Variants in EOGT observed in about 807,000 individuals in gnomAD.
The protein encoded by EOGT is EGF domain-specific O-linked N-acetylglucosamine transferase.
A neutral mutation model predicts 70.5 loss-of-function variants in EOGT; 55 were observed. The ratio of observed to expected loss-of-function variants is 0.78; its 90% CI spans 0.63 to 0.98. EOGT has a LOEUF of 0.98. Among genes scored for constraint, EOGT ranks in the 50% least tolerant of loss-of-function variants. EOGT has a pLI of 0.00. For synonymous variants in EOGT, 246 were observed against 217.1 expected (o/e 1.13, Z -1.17); for missense variants, 703 against 641.9 (o/e 1.10, Z -1.03).
intron 5 of EOGT, 39 bp from the exon 6 acceptor site, chr3:69,007,860 T>C: frequency 1.4e-6 from 2 of 1,467,144 alleles, no homozygotes; most frequent in South Asian, 1.2e-5. Context: ...TTTTTCTTTT[T>C]ACTTTTTTGG....
At chr3:69,004,923 C>G (rs1161011192) in intron 7 of EOGT, among the ~76,000 whole-genome samples, 4 of 151,874 alleles carry the variant, frequency 2.6e-5, no homozygotes, top group Non-Finnish European at 5.9e-5. Flanking sequence ...ATTAGCCAAG[C>G]CTGGCGGTGC....
intron 8 of EOGT, among the ~76,000 whole-genome samples, chr3:69,003,694 T>C (rs2091359745): frequency 6.6e-6 from 1 of 152,154 alleles, no homozygotes; most frequent in South Asian, 2.1e-4. Flanking sequence ...TGGCCAATGA[T>C]GTTAACAGTC....
chr3:69,009,737 T>C lies in EOGT; in HGVS notation c.110A>G (p.Tyr37Cys). 6.2e-7 allele frequency: 1 copy of C among 1,614,142 alleles called. No individual in the cohort carries two copies. Among genetic ancestry groups the C allele is most frequent in the Non-Finnish European group, 8.5e-7 (1 of 1,180,030 alleles). The change falls in exon 4 of 18, where the codon TAT becomes TGT. Residue 37 changes from tyrosine to cysteine, a missense_variant. Transcript: ENST00000383701. Reference sequence around the variant, plus strand: ...CTCCTCTGGCAAGCGGATGCTGGCATAGTTATACAGAGGTTCGCCTGGAAT... The same window carrying C: ...CTCCTCTGGCAAGCGGATGCTGGCACAGTTATACAGAGGTTCGCCTGGAAT... Reference protein sequence around the residue: ...HSIPGEPLYNYASIRLPEEHI... With the variant: ...HSIPGEPLYNCASIRLPEEHI...
At chr3:68,994,007 G>A (rs2091073196) in intron 10 of EOGT, among the ~76,000 whole-genome samples, 1 of 152,030 alleles carries the variant, frequency 6.6e-6, no homozygotes, top group Admixed American at 6.6e-5. Context: ...AAATTTGGTG[G>A]GGACACAGCC....
chr3:69,010,884 G>A (rs2091558519), intron 3 of EOGT, among the ~76,000 whole-genome samples: 1 of 152,152 alleles, frequency 6.6e-6, no homozygotes, highest in African/African-American at 2.4e-5. Context: ...TCTGTACTCA[G>A]GATACAGCAA....
At chr3:68,990,312 G>T (rs1396186939) in intron 10 of EOGT, among the ~76,000 whole-genome samples, 3 of 149,912 alleles carry the variant, frequency 2.0e-5, no homozygotes, top group Non-Finnish European at 4.4e-5. Flanking sequence ...CTGCCTTTCA[G>T]CAGGAATTAG....
rs531699011 is a variant in EOGT at position 68,989,192 on chromosome 3, T to G, written c.832-175A>C. Among the ~76,000 whole-genome samples the G allele has an allele frequency of 8.5e-5, 13 of 152,350 alleles. No homozygotes were observed. In the South Asian group the frequency reaches 2.5e-3, roughly 29 times the overall value. On this transcript the variant is annotated intron_variant, in intron 10 of 17. Transcript: ENST00000383701. ...ATCTTGGGCCAGAGCAAATGCCTAATTTGATGAAATATCATCAGAAATAAT... is the reference window on the plus strand; with the variant it reads ...ATCTTGGGCCAGAGCAAATGCCTAAGTTGATGAAATATCATCAGAAATAAT...
chr3:69,009,984 C>CT, intron 3 of EOGT, 124 bp from the exon 4 acceptor site: 1 of 702,100 alleles, frequency 1.4e-6, no homozygotes, highest in Non-Finnish European at 2.3e-6. Flanking sequence ...TTACAAAGCA[C>CT]TTTGCTATCC....
chr3:68,984,769 C>T (rs1170635816), intron 14 of EOGT, among the ~76,000 whole-genome samples: 2 of 149,968 alleles, frequency 1.3e-5, no homozygotes, highest in African/African-American at 2.5e-5. Context: ...TGCACTAAAG[C>T]ATCTACCAGC....
Position 68,988,413 on chromosome 3 carries a change from G to A in EOGT, c.997-32C>T, listed in dbSNP as rs1014518232. ...TAAAAACACTGGTTCATATTACAAT[G>A]AATACTTCTGTATTATAATTTAAGA... On this transcript the variant is annotated intron_variant, in intron 12 of 17. Coordinates refer to ENST00000383701, the MANE Select transcript of EOGT (RefSeq NM_001278689.2). 8 of 1,497,306 alleles carry A rather than the reference G, an allele frequency of 5.3e-6. No individual in the cohort carries two copies. In the African/African-American group the frequency reaches 1.1e-4, roughly 21 times the overall value. The allele number at this position is 1,497,306 out of a possible 1,614,324, so 92.8% of individuals were successfully genotyped here.
intron 10 of EOGT, among the ~76,000 whole-genome samples, chr3:68,990,583 A>G (rs1024339631): frequency 6.6e-6 from 1 of 152,102 alleles, no homozygotes; most frequent in Non-Finnish European, 1.5e-5. Context: ...CAAACTCCTG[A>G]GCTCAAGTGC....
At chr3:69,007,069 T>G (rs1401493735) in intron 6 of EOGT, among the ~76,000 whole-genome samples, 1 of 152,230 alleles carries the variant, frequency 6.6e-6, no homozygotes, top group Non-Finnish European at 1.5e-5. Context: ...TATCTGAGAA[T>G]GAATTTGTAA....
chr3:68,996,091 G>T (rs2091139918), intron 10 of EOGT, among the ~76,000 whole-genome samples: 1 of 152,170 alleles, frequency 6.6e-6, no homozygotes, highest in African/African-American at 2.4e-5. Context: ...AAGAAGAAAA[G>T]AAAGGGATTG....
rs550611980 is a variant in EOGT at position 68,992,687 on chromosome 3, G to T, written c.832-3670C>A. ...ACCCCACTAAGGACTCTGTTTGGGG[G>T]CTCCAACCCCACATTTCCCTTCCAC... On this transcript the variant is annotated intron_variant, in intron 10 of 17. Transcript: ENST00000383701. Among the ~76,000 whole-genome samples the T allele has an allele frequency of 3.3e-5, 5 of 152,314 alleles. No individual in the cohort carries two copies. In the South Asian group the frequency reaches 1.0e-3, roughly 32 times the overall value.
At chr3:68,985,361 G>A (rs140124166) in intron 14 of EOGT, among the ~76,000 whole-genome samples, 8 of 152,264 alleles carry the variant, frequency 5.3e-5, no homozygotes, top group African/African-American at 1.9e-4. Flanking sequence ...ATGGGTCTCA[G>A]GAAGAGATGT....
Position 68,977,753 on chromosome 3 carries a change from T to C in EOGT, c.1449A>G (p.Pro483=). Reference sequence around the variant, plus strand: ...TGAACTTCGGGTGCTCCCCCAGGGTTGGATGGTGGCCCTGTGAAAATAAAC... The same window carrying C: ...TGAACTTCGGGTGCTCCCCCAGGGTCGGATGGTGGCCCTGTGAAAATAAAC... ...KVFPQDKGHH[P]TLGEHPKFTN... Residue 483 remains proline, a synonymous_variant, in exon 18 of 18, where the codon CCA becomes CCG. Transcript: ENST00000383701. The C allele has an allele frequency of 6.2e-7, 1 of 1,612,304 alleles. No homozygotes were observed. Among genetic ancestry groups the C allele is most frequent in the Non-Finnish European group, 8.5e-7 (1 of 1,179,272 alleles).
intron 10 of EOGT, among the ~76,000 whole-genome samples, chr3:68,997,111 A>C (rs149973479): frequency 3.3e-5 from 5 of 152,328 alleles, no homozygotes; most frequent in Non-Finnish European, 7.3e-5. Context: ...AGCAGGGAAA[A>C]GGCAGGCAAA....
At chr3:69,004,630 G>A (rs1346401740) in intron 7 of EOGT, 148 bp from the exon 8 acceptor site, 3 of 627,862 alleles carry the variant, frequency 4.8e-6, no homozygotes, top group Non-Finnish European at 5.6e-6. Context: ...AAGTGTATAT[G>A]AAAGTAACAG....
intron 8 of EOGT, among the ~76,000 whole-genome samples, chr3:69,002,162 G>A (rs114377977): frequency 1.5e-4 from 23 of 152,234 alleles, no homozygotes; most frequent in African/African-American, 4.6e-4. Flanking sequence ...AAAAGGAGCC[G>A]AGGCTTACAA....
Sources: allele counts gnomAD v4.1 joint callset (sites outside exome capture counted in the v4.1 genomes callset), GRCh38; gene constraint gnomAD v4.1.1; transcripts MANE v1.5; gene names NCBI Gene and HGNC (gene_info 2026-07-23, HGNC 2026-07-21).